The following SLC35D1 variants were observed in gnomAD, a reference collection of about 807,000 sequenced individuals.
The protein encoded by SLC35D1 is nucleotide sugar transporter SLC35D1.
In SLC35D1, 31 loss-of-function variants were observed where a neutral mutation model predicts 46.7. The ratio of observed to expected loss-of-function variants is 0.66; its 90% CI spans 0.50 to 0.90. SLC35D1 has a LOEUF of 0.90. SLC35D1 is among the 40% of genes least tolerant of loss of function. The pLI is 0.00. For missense variants in SLC35D1, 397 were observed against 426.2 expected, an observed-to-expected ratio of 0.93 and a Z score of 0.60; for synonymous variants, 195 against 164.6, an observed-to-expected ratio of 1.18 and a Z score of -1.41.
At chr1:66,989,337 G>A in the SLC35D1 span, among the ~76,000 whole-genome samples, 1 of 152,202 alleles carries the variant, frequency 6.6e-6, no homozygotes, top group Non-Finnish European at 1.5e-5. Context: ...TGAATGTAGA[G>A]CTGGCTGTGT....
At chr1:67,037,512 A>G (rs531060859) in intron 8 of SLC35D1, among the ~76,000 whole-genome samples, 50 of 152,274 alleles carry the variant, frequency 3.3e-4, no homozygotes, top group Admixed American at 1.7e-3. Flanking sequence ...GTCTCAGGCT[A>G]TGTGTAAGCA....
At chr1:66,979,960 C>T in the SLC35D1 span, among the ~76,000 whole-genome samples, 2 of 151,754 alleles carry the variant, frequency 1.3e-5, no homozygotes, top group African/African-American at 2.4e-5. Flanking sequence ...GACAGGGTTT[C>T]TCCATGTTGG....
intron 1 of SLC35D1, among the ~76,000 whole-genome samples, chr1:67,053,232 G>A (rs2102381012): frequency 6.6e-6 from 1 of 151,950 alleles, no homozygotes; most frequent in South Asian, 2.1e-4. Context: ...TCAGTCCGCT[G>A]CCTGCAAAGG....
At chr1:67,035,448 C>T (rs895832511) in intron 8 of SLC35D1, among the ~76,000 whole-genome samples, 1 of 152,068 alleles carries the variant, frequency 6.6e-6, no homozygotes, top group African/African-American at 2.4e-5. Context: ...AGCATTTATC[C>T]ATTTGTTTCA....
rs1030681342 is a variant in SLC35D1, at chr1:67,002,966, G to A, written c.*1374C>T. 9 of 152,352 alleles carry A rather than the reference G, an allele frequency of 5.9e-5. No individual in the cohort carries two copies. Among genetic ancestry groups the A allele is most frequent in the Non-Finnish European group, 1.0e-4 (7 of 68,062 alleles). 9.4% of individuals were successfully genotyped at this position (152,352 alleles called of 1,614,324 possible). ...CCAGATTACCCCAAGAGGCAATTTA[G>A]GCAGTGCCCATTCACAGCTGCTCTC... On this transcript the variant is annotated 3_prime_UTR_variant, in exon 12 of 12. Transcript: ENST00000235345.
At chr1:67,049,926 G>T in intron 5 of SLC35D1, 76 bp from the exon 6 acceptor site, 2 of 979,084 alleles carry the variant, frequency 2.0e-6, no homozygotes, top group South Asian at 2.7e-5. Context: ...CAAAAAATGG[G>T]ATATGCTTTC....
chr1:66,981,938 T>C, the SLC35D1 span: 4 of 1,611,556 alleles, frequency 2.5e-6, no homozygotes, highest in South Asian at 4.4e-5. Flanking sequence ...CAGAGAAACA[T>C]TTCTCTTTCT....
chr1:66,985,805 G>C, the SLC35D1 span: 1 of 829,156 alleles, frequency 1.2e-6, no homozygotes, highest in Non-Finnish European at 1.4e-6. Context: ...ATTCATAAAG[G>C]ATTATAAAAT....
chr1:67,014,636 T>A (rs1172469801), intron 10 of SLC35D1, among the ~76,000 whole-genome samples: 1 of 150,534 alleles, frequency 6.6e-6, no homozygotes, highest in Non-Finnish European at 1.5e-5. Flanking sequence ...TAAAAATTAT[T>A]AGTAAAATAA....
intron 8 of SLC35D1, among the ~76,000 whole-genome samples, chr1:67,034,399 C>A (rs769802337): frequency 6.6e-5 from 10 of 152,018 alleles, no homozygotes; most frequent in African/African-American, 2.4e-4. Context: ...ACTGTAAAGA[C>A]TTTTCACTTC....
At chr1:66,986,571 T>A in the SLC35D1 span, 1 of 943,638 alleles carries the variant, frequency 1.1e-6, no homozygotes, top group Non-Finnish European at 1.7e-6. Context: ...CCCCATGAAG[T>A]ATTACTGTTA....
At chr1:67,024,069 C>T (rs1411706333) in intron 8 of SLC35D1, among the ~76,000 whole-genome samples, 3 of 151,808 alleles carry the variant, frequency 2.0e-5, no homozygotes, top group African/African-American at 4.8e-5. Flanking sequence ...CTCAGCCTTC[C>T]AACTAGCTGG....
chr1:66,987,688 G>A, the SLC35D1 span: 6 of 135,212 alleles, frequency 4.4e-5, no homozygotes, highest in Non-Finnish European at 7.9e-5. Flanking sequence ...AATACTGTGT[G>A]AATATTTTCA....
chr1:67,015,321 T>G (rs1303278688), intron 10 of SLC35D1, among the ~76,000 whole-genome samples: 2 of 151,968 alleles, frequency 1.3e-5, no homozygotes, highest in Non-Finnish European at 2.9e-5. Flanking sequence ...TTAAATAGAT[T>G]TATTTACAAG....
intron 8 of SLC35D1, among the ~76,000 whole-genome samples, chr1:67,034,452 T>G (rs1421471269): frequency 3.9e-5 from 6 of 152,220 alleles, no homozygotes. Context: ...CATTTGTAGC[T>G]ATTATAAATG....
Position 67,003,615 on chromosome 1 carries a change from C to T in SLC35D1, c.*725G>A, listed in dbSNP as rs947637522. On this transcript the variant is annotated 3_prime_UTR_variant, in exon 12 of 12. Coordinates refer to ENST00000235345, the MANE Select transcript of SLC35D1 (RefSeq NM_015139.3). ...TTTAGCACAATGCCTGGCACATATA[C>T]TTAAAACATTTTAGTTGAATCAATA... 1.0e-4 allele frequency: 16 copies of T among 152,892 alleles called. No individual in the cohort carries two copies. Among genetic ancestry groups the T allele is most frequent in the Non-Finnish European group, 1.6e-4 (11 of 68,476 alleles). The allele number at this position is 152,892 out of a possible 1,614,324, so 9.5% of individuals were successfully genotyped here.
chr1:67,054,032 G>C lies in SLC35D1; in HGVS notation c.-19C>G. On this transcript the variant is annotated 5_prime_UTR_variant, in exon 1 of 12. Transcript: ENST00000235345. The stretch of plus-strand genomic sequence containing the variant: ...CCGCCATGGCTGCCGCAGCAGCGGT[G>C]GCCTGGCGGCGGGGCCTAGCGGCTC... The C allele has an allele frequency of 6.2e-7, 1 of 1,604,606 alleles. No individual in the cohort carries two copies. Among genetic ancestry groups the C allele is most frequent in the Non-Finnish European group, 8.5e-7 (1 of 1,175,746 alleles).
chr1:66,973,987 A>AT, the SLC35D1 span, among the ~76,000 whole-genome samples: 1 of 151,916 alleles, frequency 6.6e-6, no homozygotes, highest in Non-Finnish European at 1.5e-5. Context: ...TATCCAGTTG[A>AT]TTTTTTTGAC....
chr1:67,014,670 G>GTTTTTTTTTTTTTTTTTTTTTTTTTTT (rs34459732), intron 10 of SLC35D1, among the ~76,000 whole-genome samples: 2 of 99,988 alleles, frequency 2.0e-5, no homozygotes, highest in African/African-American at 3.8e-5. Context: ...TCAATTTTTA[G>GTTTTTTTTTTTTTTTTTTTTTTTTTTT]TTTTTTTTTT....
Sources: gnomAD v4.1 joint callset for allele counts (sites outside exome capture counted in the v4.1 genomes callset) on GRCh38, gnomAD v4.1.1 for gene constraint, MANE v1.5 for transcripts, NCBI Gene and HGNC (gene_info 2026-07-23, HGNC 2026-07-21) for gene names.